Variants in GFRAL observed in about 807,000 individuals in gnomAD.
GFRAL encodes GDNF family receptor alpha-like.
GFRAL carries 36 observed loss-of-function variants against 45.4 expected under a neutral mutation model. The ratio of observed to expected loss-of-function variants is 0.79; its 90% CI spans 0.61 to 1.05. GFRAL has a LOEUF of 1.05. Among genes scored for constraint, GFRAL ranks in the 50% least tolerant of loss-of-function variants. The probability of loss-of-function intolerance (pLI) is 0.00; values close to 1 mark genes in which losing one functional copy is unlikely to be tolerated. For synonymous variants in GFRAL, 166 were observed against 154.1 expected, an observed-to-expected ratio of 1.08 and a Z score of -0.57; for missense variants, 507 against 467.5, an observed-to-expected ratio of 1.08 and a Z score of -0.78.
intron 6 of GFRAL, among the ~76,000 whole-genome samples, chr6:55,360,992 C>T (rs1441814352): frequency 6.6e-6 from 1 of 151,900 alleles, no homozygotes; most frequent in Non-Finnish European, 1.5e-5. Flanking sequence ...AATATAATAA[C>T]AATTGTGTTC....
At chr6:55,359,783 T>C (rs1245185120) in intron 6 of GFRAL, among the ~76,000 whole-genome samples, 2 of 152,020 alleles carry the variant, frequency 1.3e-5, no homozygotes, top group African/African-American at 2.4e-5. Flanking sequence ...TAGTATCTGC[T>C]ACTGTCACAT....
chr6:55,348,259 T>C (rs1183066870), intron 3 of GFRAL, among the ~76,000 whole-genome samples: 2 of 151,580 alleles, frequency 1.3e-5, no homozygotes, highest in East Asian at 3.9e-4. Context: ...TGTGTGTGTG[T>C]ATGTGTAAAT....
chr6:55,343,384 C>T (rs994153699), intron 3 of GFRAL, among the ~76,000 whole-genome samples: 20 of 152,120 alleles, frequency 1.3e-4, no homozygotes, highest in African/African-American at 4.6e-4. Flanking sequence ...CACTCCAAAC[C>T]GCTCAATTAC....
At position 55,357,421 on chromosome 6, in the gene GFRAL, T is replaced by C. The variant is rs544089219; in HGVS notation, c.702-1467T>C. The stretch of plus-strand genomic sequence containing the variant: ...ATCTGTTATCATTATATAATCACCT[T>C]CTTTATCTTTTTATAGTTTTTTTCT... On this transcript the variant is annotated intron_variant, in intron 5 of 8. Transcript: ENST00000340465. Among the ~76,000 whole-genome samples, 4 of 146,186 alleles carry C rather than the reference T, an allele frequency of 2.7e-5. No individual in the cohort carries two copies. The East Asian group carries it at 7.8e-4, about 28-fold the overall frequency.
chr6:55,385,561 C>CA (rs1197953282), intron 6 of GFRAL, among the ~76,000 whole-genome samples: 2 of 151,780 alleles, frequency 1.3e-5, no homozygotes, highest in African/African-American at 2.4e-5. Context: ...GTCCAAGTCA[C>CA]AAAAAAAGAC....
chr6:55,382,392 A>G (rs1045281398), intron 6 of GFRAL, among the ~76,000 whole-genome samples: 1 of 152,002 alleles, frequency 6.6e-6, no homozygotes, highest in Non-Finnish European at 1.5e-5. Flanking sequence ...TTTAAATACC[A>G]TCCAATGTAA....
intron 6 of GFRAL, among the ~76,000 whole-genome samples, chr6:55,384,151 T>C (rs1768649996): frequency 6.6e-6 from 1 of 151,884 alleles, no homozygotes; most frequent in Admixed American, 6.6e-5. Context: ...AGGGATAGCA[T>C]TAGGAGAAAT....
chr6:55,371,657 A>T (rs1023392296), intron 6 of GFRAL, among the ~76,000 whole-genome samples: 1 of 152,196 alleles, frequency 6.6e-6, no homozygotes, highest in Non-Finnish European at 1.5e-5. Context: ...TAAACAACAA[A>T]TGAATGCTGA....
At chr6:55,354,932 C>T (rs1768167503) in intron 5 of GFRAL, among the ~76,000 whole-genome samples, 1 of 151,900 alleles carries the variant, frequency 6.6e-6, no homozygotes, top group Non-Finnish European at 1.5e-5. Context: ...CTAGTACCGA[C>T]ACCCTCAGGG....
intron 6 of GFRAL, among the ~76,000 whole-genome samples, chr6:55,384,985 C>G (rs1768660671): frequency 6.6e-6 from 1 of 151,912 alleles, no homozygotes; most frequent in Non-Finnish European, 1.5e-5. Flanking sequence ...GAGGTGGAGC[C>G]TATAGATGAG....
At position 55,336,158 on chromosome 6, in the gene GFRAL, G is replaced by C. The variant is rs952786702; in HGVS notation, c.316+2214G>C. ...GGGTTTTCGCCATGTTGGCCAGGCT[G>C]GTCTGCAGCTCCTGGGCTGAATTGA... On this transcript the variant is annotated intron_variant, in intron 3 of 8. Coordinates refer to ENST00000340465, the MANE Select transcript of GFRAL (RefSeq NM_207410.2). Among the ~76,000 whole-genome samples, 4 of 152,130 alleles carry C rather than the reference G, an allele frequency of 2.6e-5. No individual in the cohort carries two copies. The East Asian group carries it at 7.7e-4, about 29-fold the overall frequency.
intron 3 of GFRAL, among the ~76,000 whole-genome samples, chr6:55,346,749 C>A (rs1291391351): frequency 4.1e-5 from 6 of 146,854 alleles, no homozygotes; most frequent in African/African-American, 1.5e-4. Flanking sequence ...CAACAAATTT[C>A]AAGACACTGA....
At chr6:55,396,163 C>T (rs1768821858) in intron 6 of GFRAL, among the ~76,000 whole-genome samples, 1 of 152,132 alleles carries the variant, frequency 6.6e-6, no homozygotes, top group Admixed American at 6.5e-5. Context: ...AACTGATATT[C>T]GGTATCCTCC....
rs1224836554 is a variant in GFRAL at position 55,331,842 on chromosome 6, T to C, written c.150T>C (p.Asn50=). The change falls in exon 2 of 9, where the codon AAT becomes AAC. Residue 50 remains asparagine (N), a synonymous_variant. Coordinates refer to ENST00000340465, the MANE Select transcript of GFRAL (RefSeq NM_207410.2). ...HAWRVMEDAC[N]DSDPGDPCKM... ...GGAGAGTAATGGAAGATGCCTGCAA[T>C]GATTCAGGTAAACAAGTTGCTAAAA... 6.2e-7 allele frequency: 1 copy of C among 1,608,684 alleles called. No individual in the cohort carries two copies. Among genetic ancestry groups the C allele is most frequent in the Admixed American group, 1.7e-5 (1 of 59,270 alleles).
rs755089337 is a variant in GFRAL at position 55,351,294 on chromosome 6, T to TTG, written c.412_413insTG (p.Cys138LeufsTer3). ...GTCCTGTTTGGAAGTGGCAGAGGCA[T>TTG]GTGTAGGGGATGTGGTCTGTAATGC... On this transcript the variant is annotated frameshift_variant, in exon 5 of 9. Transcript: ENST00000340465. LOFTEE classifies it high-confidence loss of function. The TTG allele has an allele frequency of 6.2e-7, 1 of 1,608,702 alleles. No homozygotes were observed. Among genetic ancestry groups the TTG allele is most frequent in the Non-Finnish European group, 8.5e-7 (1 of 1,176,086 alleles).
intron 6 of GFRAL, among the ~76,000 whole-genome samples, chr6:55,390,998 G>A (rs1479306024): frequency 1.3e-5 from 2 of 151,636 alleles, no homozygotes; most frequent in Non-Finnish European, 2.9e-5. Flanking sequence ...CAAAATAGAA[G>A]TGAATCTTTA....
At chr6:55,332,280 T>C (rs1030623230) in intron 2 of GFRAL, among the ~76,000 whole-genome samples, 2 of 152,224 alleles carry the variant, frequency 1.3e-5, no homozygotes, top group African/African-American at 2.4e-5. Context: ...GAAACATATA[T>C]GCGGTATTTC....
chr6:55,336,065 C>T (rs917583557), intron 3 of GFRAL, among the ~76,000 whole-genome samples: 1 of 152,170 alleles, frequency 6.6e-6, no homozygotes, highest in African/African-American at 2.4e-5. Context: ...TTGCCAAAGC[C>T]TCCCAAGTAG....
Position 55,333,890 on chromosome 6 carries a change from G to T in GFRAL, c.262G>T (p.Asp88Tyr), listed in dbSNP as rs1427283625. ...ATTTAAAGAGTGTCTTTGCACTGAT[G>T]ACTTCTATTGTACTGTGAACAAACT... is the stretch of plus-strand genomic sequence containing the variant. Reference protein sequence around the residue: ...FQFKECLCTDDFYCTVNKLLG... With the variant: ...FQFKECLCTDYFYCTVNKLLG... The change falls in exon 3 of 9, where the codon GAC (aspartate) becomes TAC (tyrosine). Residue 88 changes from aspartate to tyrosine, a missense_variant. Asp to Tyr is a radical substitution (Grantham distance 160, BLOSUM62 -3). Transcript: ENST00000340465. 1 of 1,608,894 alleles carries T rather than the reference G, an allele frequency of 6.2e-7. No homozygotes were observed. Among genetic ancestry groups the T allele is most frequent in the Non-Finnish European group, 8.5e-7 (1 of 1,176,942 alleles).
Sources: allele counts gnomAD v4.1 joint callset (sites outside exome capture counted in the v4.1 genomes callset), GRCh38; gene constraint gnomAD v4.1.1; transcripts MANE v1.5; gene names NCBI Gene and HGNC (gene_info 2026-07-23, HGNC 2026-07-21).